The following CPQ variants were observed in gnomAD, a reference collection of about 807,000 sequenced individuals.
CPQ encodes carboxypeptidase Q.
CPQ carries 37 observed loss-of-function variants against 45.7 expected under a neutral mutation model. That is an observed-to-expected ratio of 0.81 (90% CI 0.62 to 1.07). The LOEUF (loss-of-function observed/expected upper bound fraction) is 1.07. CPQ is among the 50% of genes least tolerant of loss of function. CPQ has a pLI of 0.00. For synonymous variants in CPQ, 186 were observed against 205.8 expected, an observed-to-expected ratio of 0.90 and a Z score of 0.82; for missense variants, 537 against 572.9, an observed-to-expected ratio of 0.94 and a Z score of 0.64.
chr8:97,029,604 A>G, intron 6 of CPQ, 110 bp downstream of exon 6: 1 of 961,262 alleles, frequency 1.0e-6, no homozygotes, highest in East Asian at 2.7e-5. Flanking sequence ...TGGCCCTAGG[A>G]AACACCCTTG....
intron 7 of CPQ, among the ~76,000 whole-genome samples, chr8:97,081,351 C>G (rs1167905779): frequency 2.6e-5 from 4 of 152,114 alleles, no homozygotes; most frequent in Non-Finnish European, 4.4e-5. Flanking sequence ...AGTTGCCCCC[C>G]CATACGCTTA....
chr8:96,820,432 A>G (rs1398043850), intron 2 of CPQ, among the ~76,000 whole-genome samples: 1 of 152,000 alleles, frequency 6.6e-6, no homozygotes, highest in East Asian at 1.9e-4. Context: ...CAGTGGTAAT[A>G]AATGCATTTA....
chr8:97,018,089 C>T (rs980048900), intron 5 of CPQ, among the ~76,000 whole-genome samples: 2 of 152,136 alleles, frequency 1.3e-5, no homozygotes, highest in Non-Finnish European at 2.9e-5. Flanking sequence ...CCAGTACCAG[C>T]CCAGACCTGG....
chr8:96,671,771 A>G (rs561016477), intron 1 of CPQ, among the ~76,000 whole-genome samples: 27 of 152,292 alleles, frequency 1.8e-4, no homozygotes, highest in African/African-American at 6.5e-4. Context: ...TATGGAATAT[A>G]TGAAGGTTTA....
intron 5 of CPQ, among the ~76,000 whole-genome samples, chr8:97,017,537 C>G (rs1234245409): frequency 6.6e-6 from 1 of 152,204 alleles, no homozygotes; most frequent in Non-Finnish European, 1.5e-5. Flanking sequence ...GCTCACCCAC[C>G]ACCTGGAAAC....
At chr8:96,816,128 A>G (rs1811226147) in intron 2 of CPQ, among the ~76,000 whole-genome samples, 1 of 152,060 alleles carries the variant, frequency 6.6e-6, no homozygotes, top group Non-Finnish European at 1.5e-5. Flanking sequence ...GTTTGGTAGC[A>G]TTTTTCCCAC....
At chr8:96,773,333 G>C (rs1230526050) in intron 1 of CPQ, among the ~76,000 whole-genome samples, 4 of 152,174 alleles carry the variant, frequency 2.6e-5, no homozygotes, top group Non-Finnish European at 4.4e-5. Flanking sequence ...GCCATTAAGT[G>C]ATATAGTCTA....
At chr8:96,698,442 A>G (rs1586363636) in intron 1 of CPQ, among the ~76,000 whole-genome samples, 1 of 152,286 alleles carries the variant, frequency 6.6e-6, no homozygotes, top group East Asian at 1.9e-4. Flanking sequence ...GGACTGGGCA[A>G]ATATTTCTTC....
At chr8:96,868,820 A>T (rs190560510) in intron 3 of CPQ, among the ~76,000 whole-genome samples, 212 of 152,068 alleles carry the variant, frequency 1.4e-3, no homozygotes, top group African/African-American at 4.6e-3. Flanking sequence ...ACACTTCATA[A>T]TTAACATTTT....
rs190705524 is a variant in CPQ at position 96,972,226 on chromosome 8, G to C, written c.961+6180G>C. 1.7e-3 allele frequency among the ~76,000 whole-genome samples: 253 copies of C among 152,290 alleles called. 3 individuals are homozygous for C. Among genetic ancestry groups the C allele is most frequent in the Admixed American group, 0.013 (195 of 15,304 alleles). ...TGCATGGGAGCAGGGTAAGGCCTGT[G>C]ACTGCCAGCTTTCCTCCACCTCCCT... On this transcript the variant is annotated intron_variant, in intron 5 of 7. Coordinates refer to ENST00000220763, the MANE Select transcript of CPQ (RefSeq NM_016134.4).
At chr8:96,877,431 G>T (rs576736183) in intron 3 of CPQ, among the ~76,000 whole-genome samples, 1 of 152,274 alleles carries the variant, frequency 6.6e-6, no homozygotes, top group East Asian at 1.9e-4. Flanking sequence ...GTTAAGAAGT[G>T]TTATACTGAC....
At chr8:96,858,367 A>G (rs1385782025) in intron 3 of CPQ, among the ~76,000 whole-genome samples, 1 of 152,156 alleles carries the variant, frequency 6.6e-6, no homozygotes, top group African/African-American at 2.4e-5. Context: ...CTTTTATCAG[A>G]TAATCTTCTA....
At chr8:97,054,279 G>A (rs781433538) in intron 6 of CPQ, among the ~76,000 whole-genome samples, 2 of 152,098 alleles carry the variant, frequency 1.3e-5, no homozygotes, top group Non-Finnish European at 2.9e-5. Context: ...AACAATAGAT[G>A]TTGTCGTGGA....
At chr8:97,008,596 G>A (rs1243044492) in intron 5 of CPQ, among the ~76,000 whole-genome samples, 1 of 152,142 alleles carries the variant, frequency 6.6e-6, no homozygotes, top group East Asian at 1.9e-4. Flanking sequence ...CACACTGAGG[G>A]AATCCACGTG....
chr8:97,043,429 A>G (rs1475974325), intron 6 of CPQ, among the ~76,000 whole-genome samples: 2 of 151,246 alleles, frequency 1.3e-5, no homozygotes, highest in African/African-American at 4.9e-5. Context: ...ATGGGTCTTG[A>G]CTCTTTATCC....
chr8:96,889,119 G>A (rs969055634), intron 4 of CPQ, among the ~76,000 whole-genome samples: 38 of 152,334 alleles, frequency 2.5e-4, no homozygotes, highest in African/African-American at 8.7e-4. Context: ...GGTCTGACAT[G>A]CCATGTGAAG....
intron 4 of CPQ, among the ~76,000 whole-genome samples, chr8:96,949,256 ATTTT>A (rs5893402): frequency 1.4e-5 from 2 of 146,664 alleles, no homozygotes; most frequent in African/African-American, 2.4e-5. Flanking sequence ...TGTTTTCTTG[ATTTT>A]TTTTTTTTGT....
At chr8:96,793,062 G>A (rs902913824) in intron 2 of CPQ, among the ~76,000 whole-genome samples, 1 of 151,972 alleles carries the variant, frequency 6.6e-6, no homozygotes, top group Non-Finnish European at 1.5e-5. Context: ...ATCCCACTGA[G>A]TCCCTCAATA....
At chr8:96,710,824 T>C (rs570224137) in intron 1 of CPQ, among the ~76,000 whole-genome samples, 1 of 152,338 alleles carries the variant, frequency 6.6e-6, no homozygotes, top group Admixed American at 6.5e-5. Context: ...TATTCTGCAA[T>C]TCTTGGGTAG....
Sources: gnomAD v4.1 joint callset for allele counts (sites outside exome capture counted in the v4.1 genomes callset) on GRCh38, gnomAD v4.1.1 for gene constraint, MANE v1.5 for transcripts, NCBI Gene and HGNC (gene_info 2026-07-23, HGNC 2026-07-21) for gene names.